Variants in MRTFA observed in about 807,000 individuals in gnomAD.
MRTFA encodes the protein myocardin related transcription factor A.
A neutral mutation model predicts 83.5 loss-of-function variants in MRTFA; 20 were observed. That is an observed-to-expected ratio of 0.24 (90% CI 0.17 to 0.35). The LOEUF (loss-of-function observed/expected upper bound fraction) is 0.35, where lower values mean the gene tolerates loss of function less well. Among genes scored for constraint, MRTFA ranks in the 10% least tolerant of loss-of-function variants. The pLI is 1.00. For missense variants in MRTFA, 1,200 were observed against 1,224.7 expected (o/e 0.98, Z 0.30); for synonymous variants, 659 against 541.2 (o/e 1.22, Z -3.02).
At chr22:40,467,860 T>C (rs2053835292) in intron 3 of MRTFA, among the ~76,000 whole-genome samples, 1 of 152,190 alleles carries the variant, frequency 6.6e-6, no homozygotes, top group Non-Finnish European at 1.5e-5. Flanking sequence ...ACAAATTTAA[T>C]ATATCATGTT....
intron 4 of MRTFA, among the ~76,000 whole-genome samples, chr22:40,445,072 A>G (rs2053350630): frequency 6.6e-6 from 1 of 152,186 alleles, no homozygotes; most frequent in Admixed American, 6.5e-5. Flanking sequence ...GTCTCAAATA[A>G]ATAAATAAAA....
intron 9 of MRTFA, among the ~76,000 whole-genome samples, chr22:40,422,513 C>T (rs1602216719): frequency 6.6e-6 from 1 of 152,210 alleles, no homozygotes; most frequent in African/African-American, 2.4e-5. Flanking sequence ...TGAGGCAGCA[C>T]CCGGGCAGGC....
chr22:40,476,682 G>T (rs1260329369), intron 3 of MRTFA, among the ~76,000 whole-genome samples: 1 of 151,928 alleles, frequency 6.6e-6, no homozygotes, highest in East Asian at 1.9e-4. Flanking sequence ...TGAACTCCTG[G>T]GCTCAAATGA....
intron 3 of MRTFA, among the ~76,000 whole-genome samples, chr22:40,490,736 T>TA: frequency 6.6e-6 from 1 of 152,132 alleles, no homozygotes; most frequent in Non-Finnish European, 1.5e-5. Flanking sequence ...TTAAAATTAT[T>TA]AAAATCCCAA....
At chr22:40,473,139 A>G (rs1244534660) in intron 3 of MRTFA, among the ~76,000 whole-genome samples, 2 of 152,112 alleles carry the variant, frequency 1.3e-5, no homozygotes, top group Non-Finnish European at 2.9e-5. Flanking sequence ...ACAGTGTAGT[A>G]CATTTACTAA....
intron 1 of MRTFA, among the ~76,000 whole-genome samples, chr22:40,598,119 T>TA: frequency 6.6e-6 from 1 of 152,216 alleles, no homozygotes; most frequent in East Asian, 1.9e-4. Flanking sequence ...ACAGATTTCT[T>TA]ACATTAATCT....
intron 3 of MRTFA, among the ~76,000 whole-genome samples, chr22:40,518,132 G>GA (rs963938495): frequency 5.9e-5 from 9 of 152,128 alleles, no homozygotes; most frequent in Non-Finnish European, 1.2e-4. Context: ...ATAATAAATT[G>GA]ACAAATTTAA....
intron 2 of MRTFA, among the ~76,000 whole-genome samples, chr22:40,559,255 G>A (rs993524895): frequency 2.0e-5 from 3 of 152,090 alleles, no homozygotes; most frequent in Non-Finnish European, 2.9e-5. Flanking sequence ...GCATGGTGGT[G>A]TGCGTCTGCA....
intron 3 of MRTFA, among the ~76,000 whole-genome samples, chr22:40,537,806 G>A (rs1305186396): frequency 3.6e-5 from 1 of 27,922 alleles, no homozygotes; most frequent in Admixed American, 3.6e-4. Context: ...CGCCCCGTCC[G>A]GGAGGGAGGT....
rs1386360568 is a variant in MRTFA, at chr22:40,418,681, A to G, written c.2057T>C (p.Leu686Pro). The change falls in exon 12 of 15, where the codon CTG becomes CCG. Residue 686 changes from leucine to proline, a missense_variant. Physicochemically the swap from Leu to Pro is moderately conservative, Grantham distance 98. This residue lies in a region of MRTFA where 1,107 missense variants were observed against 1,041.8 expected (regional missense o/e 1.06). Coordinates refer to ENST00000355630, the MANE Select transcript of MRTFA (RefSeq NM_020831.6). ...AGCGGGGCCCAGGGGCTGCTGGCTC[A>G]GCTGGCAGCTGGAGAAGCTGTTCTC... is the stretch of plus-strand genomic sequence containing the variant. 2 of 1,311,264 alleles carry G rather than the reference A, an allele frequency of 1.5e-6. No homozygotes were observed. The highest frequency in any genetic ancestry group is 2.0e-6 in the Non-Finnish European group (2 of 1,024,736). The allele number at this position is 1,311,264 out of a possible 1,614,324, so 81.2% of individuals were successfully genotyped here.
intron 1 of MRTFA, among the ~76,000 whole-genome samples, chr22:40,605,918 AT>A (rs1023432860): frequency 2.0e-5 from 3 of 152,190 alleles, no homozygotes; most frequent in African/African-American, 7.2e-5. Context: ...AGTCAGATTA[AT>A]TTTCATTTAT....
In MRTFA at chr22:40,430,948, T is replaced by C. The variant is rs1602230541; in HGVS notation, c.439+457A>G. 2.1e-5 allele frequency among the ~76,000 whole-genome samples: 3 copies of C among 144,358 alleles called. No individual in the cohort carries two copies. In the South Asian group the frequency reaches 6.4e-4, roughly 31 times the overall value. 94.7% of individuals were successfully genotyped at this position (144,358 alleles called of 152,430 possible). ...GGCCAGGTGGGTACATCTAGAATAATATTGGATGGAGCACGGTATATCACA... is the reference window on the plus strand; with the variant it reads ...GGCCAGGTGGGTACATCTAGAATAACATTGGATGGAGCACGGTATATCACA... On this transcript the variant is annotated intron_variant, in intron 6 of 14. Coordinates refer to ENST00000355630, the MANE Select transcript of MRTFA (RefSeq NM_020831.6).
intron 3 of MRTFA, among the ~76,000 whole-genome samples, chr22:40,509,423 GGATAATCCAGGATTGATAAAAA>G (rs1280767870): frequency 1.3e-5 from 2 of 152,178 alleles, no homozygotes; most frequent in Admixed American, 6.5e-5. Context: ...CCTACTCTTA[GGATAATCCAGGATTGATAAAAA>G]GCCAAATTCT....
chr22:40,467,492 C>T (rs1343677774), intron 3 of MRTFA, among the ~76,000 whole-genome samples: 1 of 151,840 alleles, frequency 6.6e-6, no homozygotes, highest in Non-Finnish European at 1.5e-5. Flanking sequence ...TTTACATTTC[C>T]AGACCTTAGG....
At chr22:40,513,119 T>C (rs2054695271) in intron 3 of MRTFA, among the ~76,000 whole-genome samples, 1 of 152,210 alleles carries the variant, frequency 6.6e-6, no homozygotes, top group African/African-American at 2.4e-5. Flanking sequence ...AGCCATCTGA[T>C]GAGCTTATGA....
At chr22:40,535,218 C>CT (rs2055147296) in intron 3 of MRTFA, among the ~76,000 whole-genome samples, 1 of 152,088 alleles carries the variant, frequency 6.6e-6, no homozygotes, top group South Asian at 2.1e-4. Flanking sequence ...TAAATTTCAA[C>CT]TTTGAGTCTA....
chr22:40,425,115 T>C (rs987262476), intron 7 of MRTFA, among the ~76,000 whole-genome samples: 1 of 152,216 alleles, frequency 6.6e-6, no homozygotes, highest in African/African-American at 2.4e-5. Context: ...CCTGACCCAC[T>C]GCCAAGCTCT....
At chr22:40,561,937 T>C (rs1602431949) in intron 2 of MRTFA, among the ~76,000 whole-genome samples, 1 of 152,144 alleles carries the variant, frequency 6.6e-6, no homozygotes, top group South Asian at 2.1e-4. Flanking sequence ...TGTGCCCCCA[T>C]GTAAGAAGTC....
chr22:40,635,977 C>T (rs1240476741), intron 1 of MRTFA, among the ~76,000 whole-genome samples: 1 of 152,144 alleles, frequency 6.6e-6, no homozygotes, highest in African/African-American at 2.4e-5. Flanking sequence ...AGTTCTTGGC[C>T]ATCAAGTTTC....
Sources: allele counts gnomAD v4.1 joint callset (sites outside exome capture counted in the v4.1 genomes callset), GRCh38; gene constraint gnomAD v4.1.1; regional missense constraint gnomAD v4.1.1; transcripts MANE v1.5; gene names NCBI Gene and HGNC (gene_info 2026-07-23, HGNC 2026-07-21).